RAD51: variants seen among roughly 807,000 people sequenced by gnomAD.
The protein encoded by RAD51 is DNA repair protein RAD51 homolog 1.
In RAD51, 14 loss-of-function variants were observed where a neutral mutation model predicts 41.5. The observed-to-expected ratio is 0.34, with a 90% confidence interval of 0.22 to 0.53. The LOEUF is 0.53. Among genes scored for constraint, RAD51 ranks in the 20% least tolerant of loss-of-function variants. The probability of loss-of-function intolerance (pLI) is 0.95; values close to 1 mark genes in which losing one functional copy is unlikely to be tolerated. For synonymous variants in RAD51, 136 were observed against 148.6 expected, an observed-to-expected ratio of 0.92 and a Z score of 0.62; for missense variants, 234 against 422.0, an observed-to-expected ratio of 0.55 and a Z score of 3.90.
chr15:40,706,136 G>C, intron 3 of RAD51, 41 bp from the exon 4 acceptor site: 1 of 1,439,486 alleles, frequency 6.9e-7, no homozygotes, highest in Non-Finnish European at 9.8e-7. Context: ...CTGTGGTAAG[G>C]AATATTATTT....
At chr15:40,722,460 CAT>C (rs1021528852) in intron 6 of RAD51, among the ~76,000 whole-genome samples, 41 of 149,008 alleles carry the variant, frequency 2.8e-4, no homozygotes, top group African/African-American at 7.4e-4. Context: ...ATTCCACTAA[CAT>C]GTGGTACTTC....
rs1894812270 is a variant in RAD51, at chr15:40,698,807, G to A, written c.49G>A (p.Glu17Lys). 1.2e-6 allele frequency: 2 copies of A among 1,614,094 alleles called. No individual in the cohort carries two copies. Among genetic ancestry groups the A allele is most frequent in the African/African-American group, 1.3e-5 (1 of 74,946 alleles). ...AGCAAATGCAGATACTTCAGTGGAA[G>A]AAGAAAGCTTTGGCCCACAACCCAT... ...LEANADTSVEEESFGPQPISR... is the reference protein window; with the variant it reads ...LEANADTSVEKESFGPQPISR... The change falls in exon 2 of 10, where the codon GAA becomes AAA. Residue 17 changes from glutamate (E) to lysine (K), a missense_variant. Physicochemically the swap from Glu to Lys is moderately conservative, Grantham distance 56. Transcript: ENST00000267868.
At chr15:40,698,732 A>G (rs775070462) in intron 1 of RAD51, 25 bp from the exon 2 acceptor site, 19 of 1,595,054 alleles carry the variant, frequency 1.2e-5, no homozygotes, top group Non-Finnish European at 1.5e-5. Context: ...TAGTGTTTAT[A>G]CTGATAAGCA....
chr15:40,709,940 A>G (rs1308121996), intron 5 of RAD51, among the ~76,000 whole-genome samples: 1 of 151,758 alleles, frequency 6.6e-6, no homozygotes, highest in East Asian at 2.0e-4. Context: ...AGGCGGGTGG[A>G]TCACTTGAGA....
chr15:40,728,529 C>T (rs1444334238), intron 6 of RAD51, among the ~76,000 whole-genome samples, 182 bp from the exon 7 acceptor site: 1 of 152,038 alleles, frequency 6.6e-6, no homozygotes, highest in Non-Finnish European at 1.5e-5. Flanking sequence ...TGGGTGCTAT[C>T]ATCTCTCTGC....
In RAD51 at chr15:40,698,829, C is replaced by T. The variant is rs1894813213; in HGVS notation, c.71C>T (p.Pro24Leu). ...GAAGAAGAAAGCTTTGGCCCACAACCCATTTCACGGTTAGAGGTATGTGGT... is the reference window on the plus strand; with the variant it reads ...GAAGAAGAAAGCTTTGGCCCACAACTCATTTCACGGTTAGAGGTATGTGGT... Reference protein sequence around the residue: ...SVEEESFGPQPISRLEQCGIN... With the variant: ...SVEEESFGPQLISRLEQCGIN... Residue 24 changes from proline (P) to leucine (L), a missense_variant, in exon 2 of 10, where the codon CCC becomes CTC. Pro to Leu is a moderately conservative substitution (Grantham distance 98, BLOSUM62 -3). Around this residue, in one of 2 missense-constraint regions of RAD51, gnomAD observed 100 missense variants for 135.5 expected, o/e 0.74. Coordinates refer to ENST00000267868, the MANE Select transcript of RAD51 (RefSeq NM_002875.5). 1 of 1,613,940 alleles carries T rather than the reference C, an allele frequency of 6.2e-7. No individual in the cohort carries two copies. The highest frequency in any genetic ancestry group is 1.3e-5 in the African/African-American group (1 of 74,908).
At position 40,732,222 on chromosome 15, in the gene RAD51, T is replaced by G. The variant is rs1896907825; in HGVS notation, c.*1044T>G. The G allele has an allele frequency of 5.5e-6, 1 of 180,980 alleles. No homozygotes were observed. Among genetic ancestry groups the G allele is most frequent in the Admixed American group, 6.3e-5 (1 of 15,912 alleles). The allele number at this position is 180,980 out of a possible 1,614,324, so 11.2% of individuals were successfully genotyped here. A position where few individuals can be genotyped will look rare whatever the true frequency, so the allele number is the denominator to read the frequency against. ...CAAGACAGGGTTTCCATAATCTTTT[T>G]GGCACTGTATAGGGGTGATCAGTTT... On this transcript the variant is annotated 3_prime_UTR_variant, in exon 10 of 10. Coordinates refer to ENST00000267868, the MANE Select transcript of RAD51 (RefSeq NM_002875.5).
Position 40,714,060 on chromosome 15 carries a change from C to T in RAD51, c.436-4745C>T, listed in dbSNP as rs927670625. Reference sequence around the variant, plus strand: ...CACCGGCTGTTCTTGAACTCCTGAGCGCAAGCAATCCTCCAACCTCAGCCT... The same window carrying T: ...CACCGGCTGTTCTTGAACTCCTGAGTGCAAGCAATCCTCCAACCTCAGCCT... On this transcript the variant is annotated intron_variant, in intron 5 of 9. Coordinates refer to ENST00000267868, the MANE Select transcript of RAD51 (RefSeq NM_002875.5). Among the ~76,000 whole-genome samples, 8 of 145,802 alleles carry T rather than the reference C, an allele frequency of 5.5e-5. No individual in the cohort carries two copies. In the East Asian group the frequency reaches 1.0e-3, roughly 18 times the overall value.
At chr15:40,700,922 TC>T (rs539863689) in intron 2 of RAD51, 141 bp from the exon 3 acceptor site, 12 of 754,200 alleles carry the variant, frequency 1.6e-5, no homozygotes, top group Middle Eastern at 4.4e-4. Flanking sequence ...ACTTCCCATC[TC>T]CCCCCGCCCC....
At chr15:40,728,628 C>G (rs957140839) in intron 6 of RAD51, 83 bp from the exon 7 acceptor site, 5 of 1,047,058 alleles carry the variant, frequency 4.8e-6, no homozygotes, top group Admixed American at 1.7e-5. Context: ...CCTACCTATT[C>G]AGGTAATTTA....
At chr15:40,718,952 G>A in intron 6 of RAD51, 53 bp downstream of exon 6, 2 of 1,485,366 alleles carry the variant, frequency 1.3e-6, no homozygotes, top group Non-Finnish European at 1.9e-6. Context: ...TCAATGTAGT[G>A]ATTGCCAGGG....
At position 40,717,743 on chromosome 15, in the gene RAD51, G is replaced by A. The variant is rs115000474; in HGVS notation, c.436-1062G>A. Among the ~76,000 whole-genome samples the A allele has an allele frequency of 2.9e-3, 435 of 152,112 alleles. 2 individuals carry two copies. Among genetic ancestry groups the A allele is most frequent in the African/African-American group, 1.0e-2 (413 of 41,504 alleles). On this transcript the variant is annotated intron_variant, in intron 5 of 9. Transcript: ENST00000267868. ...ACTCGAAATTTGCTATAGACACTCC[G>A]AGGGCATTGACTAGTCCCTTTAGTA...
chr15:40,730,635 C>T (rs909633079), intron 9 of RAD51, among the ~76,000 whole-genome samples: 1 of 149,060 alleles, frequency 6.7e-6, no homozygotes, highest in Non-Finnish European at 1.5e-5. Context: ...CATTCTCCTG[C>T]CTCAGCCTCC....
At position 40,708,210 on chromosome 15, in the gene RAD51, G is replaced by A. The variant is rs188121889; in HGVS notation, c.344-815G>A. Among the ~76,000 whole-genome samples the A allele has an allele frequency of 3.4e-3, 509 of 149,052 alleles. 1 individual carries two copies. The highest frequency in any genetic ancestry group is 6.0e-3 in the Non-Finnish European group (406 of 67,404). On this transcript the variant is annotated intron_variant, in intron 4 of 9. Coordinates refer to ENST00000267868, the MANE Select transcript of RAD51 (RefSeq NM_002875.5). ...TTTTTGTATTTTTAGTAGAGACAGG[G>A]TTTCACCATATTGTGCCCAGCTTTT...
intron 5 of RAD51, among the ~76,000 whole-genome samples, chr15:40,710,757 T>G (rs957113406): frequency 6.6e-6 from 1 of 152,152 alleles, no homozygotes; most frequent in Non-Finnish European, 1.5e-5. Flanking sequence ...CCATCTTTTC[T>G]TATCTCAGGT....
intron 5 of RAD51, among the ~76,000 whole-genome samples, chr15:40,710,925 T>C (rs1895675647): frequency 6.6e-6 from 1 of 152,220 alleles, no homozygotes; most frequent in Non-Finnish European, 1.5e-5. Context: ...ATGTCTAGTG[T>C]CTCCTCCATT....
At position 40,701,067 on chromosome 15, in the gene RAD51, T is replaced by C; in HGVS notation, c.91T>C (p.Cys31Arg). 6.2e-7 allele frequency: 1 copy of C among 1,614,234 alleles called. No individual in the cohort carries two copies. Among genetic ancestry groups the C allele is most frequent in the Non-Finnish European group, 8.5e-7 (1 of 1,180,044 alleles). ...CCATGGTTTTCTTCATTTGCAGCAG[T>C]GTGGCATAAATGCCAACGATGTGAA... ...GPQPISRLEQCGINANDVKKL... is the reference protein window; with the variant it reads ...GPQPISRLEQRGINANDVKKL... Residue 31 changes from cysteine (C) to arginine (R), a missense_variant, in exon 3 of 10, where the codon TGT becomes CGT. This residue lies in a region of RAD51 where 100 missense variants were observed against 135.5 expected (regional missense o/e 0.74). Coordinates refer to ENST00000267868, the MANE Select transcript of RAD51 (RefSeq NM_002875.5).
chr15:40,719,636 T>A (rs529582623), intron 6 of RAD51, among the ~76,000 whole-genome samples: 10 of 152,150 alleles, frequency 6.6e-5, no homozygotes, highest in African/African-American at 2.4e-4. Flanking sequence ...ATCGAAACCA[T>A]CCTGGCTAAC....
rs1896872074 is a variant in RAD51 at position 40,731,455 on chromosome 15, C to G, written c.*277C>G. On this transcript the variant is annotated 3_prime_UTR_variant, in exon 10 of 10. Coordinates refer to ENST00000267868, the MANE Select transcript of RAD51 (RefSeq NM_002875.5). ...GTATGAAGTATCTTTGACATGGTGC[C>G]TTAGGAATGACTTGGGTTTAACAAG... 4.5e-6 allele frequency: 2 copies of G among 446,968 alleles called. No homozygotes were observed. Among genetic ancestry groups the G allele is most frequent in the African/African-American group, 3.9e-5 (2 of 51,294 alleles). The allele number at this position is 446,968 out of a possible 1,614,324, so 27.7% of individuals were successfully genotyped here. A position where few individuals can be genotyped will look rare whatever the true frequency, so the allele number is the denominator to read the frequency against.
Sources: allele counts gnomAD v4.1 joint callset (sites outside exome capture counted in the v4.1 genomes callset), GRCh38; gene constraint gnomAD v4.1.1; regional missense constraint gnomAD v4.1.1; transcripts MANE v1.5; gene names NCBI Gene and HGNC (gene_info 2026-07-23, HGNC 2026-07-21).